Variants in PDE12 observed in about 807,000 individuals in gnomAD.
PDE12 encodes phosphodiesterase 12.
In PDE12, 26 loss-of-function variants were observed where a neutral mutation model predicts 45.4. The observed-to-expected ratio is 0.57, with a 90% CI of 0.42 to 0.79. The LOEUF is 0.79. PDE12 is among the 30% of genes least tolerant of loss of function. The probability of loss-of-function intolerance (pLI) is 0.00; values close to 1 mark genes in which losing one functional copy is unlikely to be tolerated. For missense variants in PDE12, 668 were observed against 790.0 expected (o/e 0.85, Z 1.85); for synonymous variants, 283 against 323.9 (o/e 0.87, Z 1.36).
the PDE12 span, chr3:57,633,240 T>C: frequency 1.3e-6 from 2 of 1,577,916 alleles, no homozygotes; most frequent in Non-Finnish European, 8.7e-7. Context: ...CATTAAATTA[T>C]GCAAAAATTT....
At chr3:57,631,032 G>T in the PDE12 span, 1 of 1,551,196 alleles carries the variant, frequency 6.4e-7, no homozygotes, top group South Asian at 1.2e-5. Flanking sequence ...TATTTAAACA[G>T]ACCTACTTAA....
the PDE12 span, among the ~76,000 whole-genome samples, chr3:57,649,913 G>GTATA: frequency 6.0e-5 from 7 of 115,822 alleles, no homozygotes; most frequent in Admixed American, 6.5e-4. Flanking sequence ...CTGACTCTCT[G>GTATA]TATATATATA....
the PDE12 span, chr3:57,630,622 AT>A: frequency 6.5e-7 from 1 of 1,528,576 alleles, no homozygotes; most frequent in Non-Finnish European, 8.8e-7. Context: ...CTTTAGTAGA[AT>A]TTTTTAAAAA....
At chr3:57,633,128 G>A in the PDE12 span, 1 of 700,192 alleles carries the variant, frequency 1.4e-6, no homozygotes, top group South Asian at 1.9e-5. Flanking sequence ...CTCTTGCAAA[G>A]GGGTTTATTT....
chr3:57,646,243 C>T, the PDE12 span: 2 of 1,535,948 alleles, frequency 1.3e-6, no homozygotes, highest in South Asian at 2.5e-5. Context: ...GGAAGTGCTG[C>T]AAATATCACC....
At chr3:57,654,172 G>T in the PDE12 span, among the ~76,000 whole-genome samples, 2 of 151,422 alleles carry the variant, frequency 1.3e-5, no homozygotes, top group Non-Finnish European at 2.9e-5. Context: ...AGCCAGGATG[G>T]TCTCGATCTC....
chr3:57,650,262 C>T, the PDE12 span, among the ~76,000 whole-genome samples: 1 of 151,722 alleles, frequency 6.6e-6, no homozygotes, highest in Non-Finnish European at 1.5e-5. Flanking sequence ...TGCAACCAAA[C>T]ACCACCTATT....
At chr3:57,617,872 TAA>T in the PDE12 span, among the ~76,000 whole-genome samples, 1 of 137,856 alleles carries the variant, frequency 7.3e-6, no homozygotes, top group East Asian at 2.1e-4. Flanking sequence ...GACTCTGCCT[TAA>T]AAAAAAAAAA....
chr3:57,584,169 T>C, the PDE12 span: 1 of 697,922 alleles, frequency 1.4e-6, no homozygotes. Flanking sequence ...CATTATGTTA[T>C]GCAGGCTGGT....
chr3:57,556,970 G>A lies in PDE12; in HGVS notation c.591G>A (p.Trp197Ter), dbSNP rs765706812. Reference sequence around the variant, plus strand: ...ATCCCGCCAGCTCCCTTTTCCGCTGGTATAAGGAAGCCAAGCCCGGAGCGG... The same window carrying A: ...ATCCCGCCAGCTCCCTTTTCCGCTGATATAAGGAAGCCAAGCCCGGAGCGG... ...FGDPASSLFRWYKEAKPGAAE... is the reference protein window; with the variant it reads ...FGDPASSLFR The change falls in exon 1 of 3, where the codon TGG becomes TGA. Residue 197 changes from tryptophan to a stop codon, truncating the protein, a stop_gained. Coordinates refer to ENST00000311180, the MANE Select transcript of PDE12 (RefSeq NM_177966.7). LOFTEE classifies it high-confidence loss of function. The surrounding 1 kb of genome is among the most constrained non-coding windows in gnomAD (Gnocchi z 5.0). 4 of 1,614,080 alleles carry A rather than the reference G, an allele frequency of 2.5e-6. No individual in the cohort carries two copies.
Position 57,557,399 on chromosome 3 carries a change from C to A in PDE12, c.1020C>A (p.Thr340=). Residue 340 remains threonine, a synonymous_variant, in exon 1 of 3, where the codon ACC becomes ACA. Coordinates refer to ENST00000311180, the MANE Select transcript of PDE12 (RefSeq NM_177966.7). ...AGAACCTTATCCAGAAGGAACTCAC[C>A]GGCTACAACGCCGATGTCATCTGTT... is the stretch of plus-strand genomic sequence containing the variant. ...YRQNLIQKEL[T]GYNADVICLQ... The A allele has an allele frequency of 1.9e-6, 3 of 1,613,990 alleles. No individual in the cohort carries two copies. Among genetic ancestry groups the A allele is most frequent in the Non-Finnish European group, 2.5e-6 (3 of 1,180,014 alleles).
At chr3:57,611,724 G>A in the PDE12 span, among the ~76,000 whole-genome samples, 16 of 152,246 alleles carry the variant, frequency 1.1e-4, no homozygotes, top group South Asian at 2.7e-3. Context: ...TCATTAAAAC[G>A]TCAGGAAACA....
the PDE12 span, among the ~76,000 whole-genome samples, chr3:57,653,352 A>C: frequency 1.3e-5 from 2 of 152,340 alleles, no homozygotes; most frequent in East Asian, 1.9e-4. Flanking sequence ...CATTCTTTGA[A>C]AGCTTTGTAT....
At chr3:57,645,664 G>A in the PDE12 span, 5 of 1,606,832 alleles carry the variant, frequency 3.1e-6, no homozygotes, top group South Asian at 3.3e-5. Flanking sequence ...TACTTACGGA[G>A]CTTGGGTACG....
At chr3:57,631,512 C>T in the PDE12 span, among the ~76,000 whole-genome samples, 2 of 151,618 alleles carry the variant, frequency 1.3e-5, no homozygotes, top group East Asian at 1.9e-4. Context: ...CATTTTTTAA[C>T]GATAATAGTT....
At chr3:57,618,651 C>T in the PDE12 span, among the ~76,000 whole-genome samples, 1 of 126,346 alleles carries the variant, frequency 7.9e-6, no homozygotes, top group Non-Finnish European at 1.6e-5. Flanking sequence ...GCTCGTTGCC[C>T]AGGCTGGAGT....
chr3:57,652,195 G>A, the PDE12 span, among the ~76,000 whole-genome samples: 1 of 152,192 alleles, frequency 6.6e-6, no homozygotes, highest in East Asian at 1.9e-4. Flanking sequence ...AAATGACAAT[G>A]TACAACTTTG....
the PDE12 span, among the ~76,000 whole-genome samples, chr3:57,592,421 G>C: frequency 2.1e-4 from 32 of 152,240 alleles, no homozygotes; most frequent in Non-Finnish European, 2.8e-4. Context: ...CCAGGAGGCG[G>C]AGGTTGCAGT....
At chr3:57,630,849 T>C in the PDE12 span, 1 of 1,610,268 alleles carries the variant, frequency 6.2e-7, no homozygotes, top group Non-Finnish European at 8.5e-7. Flanking sequence ...ATATAATATT[T>C]AGAAATTAGG....
Sources: allele counts gnomAD v4.1 joint callset (sites outside exome capture counted in the v4.1 genomes callset), GRCh38; gene constraint gnomAD v4.1.1; non-coding constraint Gnocchi (gnomAD v3.1); transcripts MANE v1.5; gene names NCBI Gene and HGNC (gene_info 2026-07-23, HGNC 2026-07-21).